CNTN6: variants seen among roughly 807,000 people sequenced by gnomAD.
CNTN6 encodes contactin-6.
A neutral mutation model predicts 122.8 loss-of-function variants in CNTN6; 137 were observed. The observed-to-expected ratio is 1.12, with a 90% CI of 0.97 to 1.29. CNTN6 has a LOEUF of 1.29. Among genes scored for constraint, CNTN6 ranks in the 50% most tolerant of loss-of-function variants. CNTN6 has a pLI of 0.00. For synonymous variants in CNTN6, 570 were observed against 426.0 expected, an observed-to-expected ratio of 1.34 and a Z score of -4.16; for missense variants, 1,634 against 1,223.4, an observed-to-expected ratio of 1.34 and a Z score of -5.01.
chr3:1,144,289 C>G (rs7624079), intron 1 of CNTN6, among the ~76,000 whole-genome samples: 6 of 151,982 alleles, frequency 3.9e-5, no homozygotes, highest in African/African-American at 1.5e-4. Context: ...ATAAACGATA[C>G]AGGGGACTGG....
chr3:1,168,959 G>A (rs191351783), intron 2 of CNTN6, among the ~76,000 whole-genome samples: 1 of 152,268 alleles, frequency 6.6e-6, no homozygotes, highest in Admixed American at 6.5e-5. Flanking sequence ...TCAGGTGGAC[G>A]TGAGTGGGAA....
chr3:1,200,009 C>T (rs564842147), intron 2 of CNTN6, among the ~76,000 whole-genome samples: 56 of 151,892 alleles, frequency 3.7e-4, no homozygotes, highest in Non-Finnish European at 6.2e-4. Flanking sequence ...ATAGATAAAG[C>T]GGTAGAAAAC....
chr3:1,178,279 ACT>A (rs912042091), intron 2 of CNTN6, among the ~76,000 whole-genome samples: 3 of 150,856 alleles, frequency 2.0e-5, no homozygotes, highest in African/African-American at 7.3e-5. Flanking sequence ...TGCTTTATTC[ACT>A]CTTTCTCTCT....
chr3:1,385,156 AAAAC>A (rs1482940610), intron 19 of CNTN6, among the ~76,000 whole-genome samples: 2 of 152,096 alleles, frequency 1.3e-5, no homozygotes, highest in East Asian at 3.9e-4. Flanking sequence ...CAATGTACCT[AAAAC>A]AATGCTAATG....
intron 1 of CNTN6, among the ~76,000 whole-genome samples, chr3:1,095,204 G>A (rs2090458962): frequency 6.6e-6 from 1 of 152,094 alleles, no homozygotes; most frequent in Admixed American, 6.6e-5. Context: ...CGCGCGCGGT[G>A]GTTCACACCT....
intron 1 of CNTN6, among the ~76,000 whole-genome samples, chr3:1,126,946 A>G (rs2092182909): frequency 1.3e-5 from 2 of 151,878 alleles, no homozygotes; most frequent in Admixed American, 1.3e-4. Flanking sequence ...CACCAGGTCA[A>G]TGGAATCTCA....
At chr3:1,110,582 C>T (rs2091434871) in intron 1 of CNTN6, among the ~76,000 whole-genome samples, 1 of 151,982 alleles carries the variant, frequency 6.6e-6, no homozygotes, top group African/African-American at 2.4e-5. Flanking sequence ...ACAGACGAAG[C>T]TTGAAGGAAG....
intron 1 of CNTN6, among the ~76,000 whole-genome samples, chr3:1,104,797 A>G (rs945464855): frequency 1.3e-5 from 2 of 152,092 alleles, no homozygotes; most frequent in Non-Finnish European, 2.9e-5. Context: ...AAATTAATGC[A>G]TATGTTCTGC....
chr3:1,168,083 T>C (rs1242144438), intron 2 of CNTN6, among the ~76,000 whole-genome samples: 1 of 151,836 alleles, frequency 6.6e-6, no homozygotes, highest in Non-Finnish European at 1.5e-5. Context: ...AGTTTTTGTA[T>C]TTTTAGTAGA....
In CNTN6 at chr3:1,245,252, A is replaced by G. The variant is rs1453628109; in HGVS notation, c.358+17259A>G. ...TATATATATACACACACACATATAT[A>G]TATAACATATATATATATATATACA... On this transcript the variant is annotated intron_variant, in intron 4 of 22. Transcript: ENST00000446702. 5.0e-4 allele frequency among the ~76,000 whole-genome samples: 5 copies of G among 9,934 alleles called. 1 individual carries two copies. The East Asian group carries it at 0.014, about 28-fold the overall frequency. 6.5% of individuals were successfully genotyped at this position (9,934 alleles called of 152,430 possible).
At chr3:1,281,857 CTT>C (rs745346919) in intron 5 of CNTN6, among the ~76,000 whole-genome samples, 1 of 152,126 alleles carries the variant, frequency 6.6e-6, no homozygotes, top group Non-Finnish European at 1.5e-5. Flanking sequence ...TCATGTTAAA[CTT>C]GATATTATCA....
chr3:1,383,021 C>T lies in CNTN6; in HGVS notation c.2246C>T (p.Ser749Phe), dbSNP rs1692161111. 2 of 1,614,062 alleles carry T rather than the reference C, an allele frequency of 1.2e-6. No individual in the cohort carries two copies. Among genetic ancestry groups the T allele is most frequent in the East Asian group, 4.5e-5 (2 of 44,880 alleles). Residue 749 changes from serine (S) to phenylalanine (F), a missense_variant, in exon 18 of 23, where the codon TCC (serine) becomes TTC (phenylalanine). Ser to Phe is a radical substitution (Grantham distance 155). Coordinates refer to ENST00000446702, the MANE Select transcript of CNTN6 (RefSeq NM_001289080.2). ...MFRPVGSTTW[S>F]KEKVSSVESS... The stretch of plus-strand genomic sequence containing the variant: ...CGGCCAGTGGGCTCGACAACCTGGT[C>T]CAAGGAGAAAGTGTCATCTGTGGAA...
At chr3:1,160,367 T>TATATATATATATATATAC (rs1491110079) in intron 2 of CNTN6, among the ~76,000 whole-genome samples, 50 of 112,546 alleles carry the variant, frequency 4.4e-4, no homozygotes, top group African/African-American at 1.4e-3. Flanking sequence ...TATATATATA[T>TATATATATATATATATAC]ACACACTACC....
chr3:1,306,155 T>C (rs1197160617), intron 7 of CNTN6, among the ~76,000 whole-genome samples: 1 of 152,176 alleles, frequency 6.6e-6, no homozygotes, highest in Non-Finnish European at 1.5e-5. Flanking sequence ...TACCTTTTGT[T>C]TCCCCTCATT....
At chr3:1,243,311 T>C (rs75318514) in intron 4 of CNTN6, among the ~76,000 whole-genome samples, 10 of 152,114 alleles carry the variant, frequency 6.6e-5, no homozygotes, top group East Asian at 5.8e-4. Context: ...AACGCCTGGC[T>C]GCTGCGGTTC....
intron 11 of CNTN6, among the ~76,000 whole-genome samples, chr3:1,333,540 C>A (rs1702619158): frequency 6.6e-6 from 1 of 152,032 alleles, no homozygotes; most frequent in Non-Finnish European, 1.5e-5. Context: ...GAAATGGTTT[C>A]TAGTTCTTGA....
intron 1 of CNTN6, among the ~76,000 whole-genome samples, chr3:1,125,152 G>A (rs910599257): frequency 6.6e-6 from 1 of 151,896 alleles, no homozygotes; most frequent in Non-Finnish European, 1.5e-5. Flanking sequence ...CTGAGAAACA[G>A]AAATAACCAA....
chr3:1,119,007 T>A (rs1215107232), intron 1 of CNTN6, among the ~76,000 whole-genome samples: 1 of 152,142 alleles, frequency 6.6e-6, no homozygotes, highest in Non-Finnish European at 1.5e-5. Flanking sequence ...CATAAAGGGC[T>A]AAATTCAGTG....
At chr3:1,132,923 A>C (rs1311341362) in intron 1 of CNTN6, among the ~76,000 whole-genome samples, 1 of 152,168 alleles carries the variant, frequency 6.6e-6, no homozygotes, top group Non-Finnish European at 1.5e-5. Flanking sequence ...ACAATAACTC[A>C]AAATTATTAT....
Sources: gnomAD v4.1 joint callset for allele counts (sites outside exome capture counted in the v4.1 genomes callset) on GRCh38, gnomAD v4.1.1 for gene constraint, MANE v1.5 for transcripts, NCBI Gene and HGNC (gene_info 2026-07-23, HGNC 2026-07-21) for gene names.